SLC41A3: variants seen among roughly 807,000 people sequenced by gnomAD.
SLC41A3 encodes the protein SLC41A1-like 2.
A neutral mutation model predicts 45.4 loss-of-function variants in SLC41A3; 44 were observed. The observed-to-expected ratio is 0.97, with a 90% confidence interval of 0.76 to 1.25. The LOEUF (loss-of-function observed/expected upper bound fraction) is 1.25. Among genes scored for constraint, SLC41A3 ranks in the 50% most tolerant of loss-of-function variants. SLC41A3 has a pLI of 0.00. For missense variants in SLC41A3, 550 were observed against 600.6 expected (o/e 0.92, Z 0.88); for synonymous variants, 256 against 252.4 (o/e 1.01, Z -0.13).
intron 2 of SLC41A3, among the ~76,000 whole-genome samples, chr3:126,062,211 C>T (rs996969873): frequency 6.6e-6 from 1 of 152,234 alleles, no homozygotes; most frequent in Non-Finnish European, 1.5e-5. Flanking sequence ...ATTACCACCA[C>T]CTTAATGGCA....
Position 126,006,964 on chromosome 3 carries a change from C to T in SLC41A3, c.*52G>A. 1 of 1,611,768 alleles carries T rather than the reference C, an allele frequency of 6.2e-7. No homozygotes were observed. Among genetic ancestry groups the T allele is most frequent in the Non-Finnish European group, 8.5e-7 (1 of 1,178,608 alleles). On this transcript the variant is annotated 3_prime_UTR_variant, in exon 11 of 11. Coordinates refer to ENST00000360370, the MANE Select transcript of SLC41A3 (RefSeq NM_017836.4). The stretch of plus-strand genomic sequence containing the variant: ...CAAGGGAGAAACTGAATTCTGTATC[C>T]CACTGATGTGAGAGGAAATTCTAAT...
chr3:126,034,964 C>T (rs1942076506), intron 3 of SLC41A3, among the ~76,000 whole-genome samples: 2 of 152,224 alleles, frequency 1.3e-5, no homozygotes, highest in Admixed American at 1.3e-4. Context: ...TGCATGTGAG[C>T]CTGAGTCCAT....
intron 3 of SLC41A3, among the ~76,000 whole-genome samples, chr3:126,037,421 G>C (rs1200221893): frequency 6.6e-6 from 1 of 152,176 alleles, no homozygotes; most frequent in Non-Finnish European, 1.5e-5. Context: ...GACAGAGAAG[G>C]CCAGGCTGAT....
intron 4 of SLC41A3, among the ~76,000 whole-genome samples, chr3:126,032,770 A>G (rs75374904): frequency 0.027 from 4,145 of 152,262 alleles, 167 homozygotes; most frequent in African/African-American, 0.091. Context: ...TAAAGTAGGT[A>G]TCATTCTAAT....
At position 126,026,270 on chromosome 3, in the gene SLC41A3, G is replaced by C. The variant is rs916412851; in HGVS notation, c.598+65C>G. On this transcript the variant is annotated intron_variant, in intron 5 of 10. Coordinates refer to ENST00000360370, the MANE Select transcript of SLC41A3 (RefSeq NM_017836.4). The surrounding 1 kb of genome is among the most constrained non-coding windows in gnomAD (Gnocchi z 4.2). ...CCCCCAGAAACTGAAAACACAATGA[G>C]CTCTGAGGTGGGACCTCAGAGGAGC... is the stretch of plus-strand genomic sequence containing the variant. 2.2e-5 allele frequency: 34 copies of C among 1,538,138 alleles called. No homozygotes were observed. The highest frequency in any genetic ancestry group is 2.2e-4 in the Admixed American group (11 of 50,284).
At chr3:126,033,473 G>T in intron 4 of SLC41A3, 134 bp downstream of exon 4, 1 of 897,712 alleles carries the variant, frequency 1.1e-6, no homozygotes, top group Non-Finnish European at 1.7e-6. Flanking sequence ...GGATGTGGGA[G>T]GGACAGGTAG....
At chr3:126,021,296 G>A (rs1454201322) in intron 6 of SLC41A3, among the ~76,000 whole-genome samples, 3 of 152,164 alleles carry the variant, frequency 2.0e-5, no homozygotes, top group African/African-American at 7.2e-5. Flanking sequence ...CAGTGGCCCT[G>A]CCAGCACTTG....
rs867646353 is a variant in SLC41A3 at position 126,022,826 on chromosome 3, G to C, written c.705C>G (p.Ser235=). Residue 235 remains serine (S), a synonymous_variant, in exon 6 of 11, where the codon TCC becomes TCG. Transcript: ENST00000360370. ...AGAAGCTGCTAACCAAAGCCAGAAT[G>C]GACAGTGTGATGAGGTCTCCCAGGC... ...AASLGDLITL[S]ILALVSSFFY... 6.2e-7 allele frequency: 1 copy of C among 1,614,228 alleles called. No individual in the cohort carries two copies. The highest frequency in any genetic ancestry group is 2.2e-5 in the East Asian group (1 of 44,888).
At chr3:126,096,927 A>G (rs1242698938) in intron 1 of SLC41A3, among the ~76,000 whole-genome samples, 1 of 152,236 alleles carries the variant, frequency 6.6e-6, no homozygotes, top group South Asian at 2.1e-4. Context: ...CTCGGAAGAA[A>G]GAATTCAACT....
intron 3 of SLC41A3, among the ~76,000 whole-genome samples, chr3:126,035,967 A>T: frequency 6.6e-6 from 1 of 152,232 alleles, no homozygotes. Context: ...AAGAGTTCAA[A>T]GAGAAAACCA....
chr3:126,009,751 AAAG>A (rs1428088893), intron 9 of SLC41A3, among the ~76,000 whole-genome samples: 1 of 152,274 alleles, frequency 6.6e-6, no homozygotes, highest in Admixed American at 6.5e-5. Context: ...AAAATGTCAA[AAAG>A]AAGCAGCAAA....
chr3:126,092,052 TCTGAGTTACC>T (rs1345740617), intron 1 of SLC41A3, among the ~76,000 whole-genome samples: 4 of 152,190 alleles, frequency 2.6e-5, no homozygotes, highest in African/African-American at 9.7e-5. Flanking sequence ...ATGAAAGAGA[TCTGAGTTACC>T]CTGAGTTACT....
intron 5 of SLC41A3, chr3:126,024,785 C>A: frequency 6.6e-6 from 1 of 152,336 alleles, no homozygotes; most frequent in Non-Finnish European, 1.5e-5. Flanking sequence ...GACACGTGAC[C>A]CAGGAGAGAG....
chr3:126,041,964 C>G (rs1942624490), intron 3 of SLC41A3, among the ~76,000 whole-genome samples: 1 of 152,148 alleles, frequency 6.6e-6, no homozygotes, highest in Non-Finnish European at 1.5e-5. Context: ...GCACCACCCC[C>G]TCCTCCACAC....
intron 6 of SLC41A3, among the ~76,000 whole-genome samples, chr3:126,019,096 G>C (rs1485969838): frequency 6.6e-6 from 1 of 152,218 alleles, no homozygotes; most frequent in East Asian, 1.9e-4. Context: ...CCAAGGTTGA[G>C]AGGCTGCCTC....
intron 1 of SLC41A3, among the ~76,000 whole-genome samples, chr3:126,100,849 G>C (rs921247723): frequency 2.0e-5 from 3 of 152,108 alleles, no homozygotes; most frequent in African/African-American, 7.2e-5. Context: ...CCACACTCCG[G>C]GTTTGACTCA....
At chr3:126,086,555 AT>A (rs1383616980), upstream of SLC41A3, among the ~76,000 whole-genome samples, 2 of 146,206 alleles carry the variant, frequency 1.4e-5, no homozygotes, top group Non-Finnish European at 3.0e-5. Context: ...AAAGGATTTT[AT>A]AATAGACTTC....
intron 4 of SLC41A3, among the ~76,000 whole-genome samples, chr3:126,028,810 C>G (rs1418957602): frequency 6.6e-6 from 1 of 152,238 alleles, no homozygotes; most frequent in African/African-American, 2.4e-5. Context: ...TGGGAGCCCA[C>G]CCCTTGCACC....
At chr3:126,073,798 A>AAT (rs1465412804) in intron 1 of SLC41A3, among the ~76,000 whole-genome samples, 2 of 152,182 alleles carry the variant, frequency 1.3e-5, no homozygotes, top group African/African-American at 4.8e-5. Flanking sequence ...TTTAAAAAAA[A>AAT]ATAACACAAA....
Sources: allele counts gnomAD v4.1 joint callset (sites outside exome capture counted in the v4.1 genomes callset), GRCh38; gene constraint gnomAD v4.1.1; non-coding constraint Gnocchi (gnomAD v3.1); transcripts MANE v1.5; gene names NCBI Gene and HGNC (gene_info 2026-07-23, HGNC 2026-07-21).